The following PRKDC variants were observed in gnomAD, a reference collection of about 807,000 sequenced individuals.
The protein encoded by PRKDC is DNA-dependent protein kinase catalytic subunit.
In PRKDC, 82 loss-of-function variants were observed where a neutral mutation model predicts 486.9. The ratio of observed to expected loss-of-function variants is 0.17; its 90% CI spans 0.14 to 0.20. The LOEUF (loss-of-function observed/expected upper bound fraction) is 0.20. Ranked by LOEUF, PRKDC falls within the 10% of genes least tolerant of loss-of-function variation. The pLI is 1.00. For synonymous variants in PRKDC, 1,895 were observed against 1,837.0 expected, an observed-to-expected ratio of 1.03 and a Z score of -0.81; for missense variants, 4,504 against 5,038.2, an observed-to-expected ratio of 0.89 and a Z score of 3.21.
intron 49 of PRKDC, among the ~76,000 whole-genome samples, chr8:47,855,988 G>A (rs2088532117): frequency 6.6e-6 from 1 of 152,210 alleles, no homozygotes; most frequent in Non-Finnish European, 1.5e-5. Flanking sequence ...GCTACCTCGA[G>A]CCCGGCAGTT....
At chr8:47,879,834 C>CTTTTTTTTT (rs759336069) in intron 38 of PRKDC, among the ~76,000 whole-genome samples, 176 bp from the exon 39 acceptor site, 1 of 99,200 alleles carries the variant, frequency 1.0e-5, no homozygotes, top group African/African-American at 4.1e-5. Flanking sequence ...TATACCTCAG[C>CTTTTTTTTT]TTTTTTTTTT....
chr8:47,883,739 C>T (rs2089271553), intron 36 of PRKDC, among the ~76,000 whole-genome samples: 1 of 152,246 alleles, frequency 6.6e-6, no homozygotes, highest in Admixed American at 6.5e-5. Context: ...ATTCTTATTT[C>T]ACAGTTTTGT....
chr8:47,949,406 T>C (rs1039090247), intron 7 of PRKDC, among the ~76,000 whole-genome samples: 1 of 152,224 alleles, frequency 6.6e-6, no homozygotes, highest in Non-Finnish European at 1.5e-5. Context: ...AGAGACATTT[T>C]ACCTGCCATG....
intron 22 of PRKDC, 104 bp downstream of exon 22, chr8:47,918,173 T>C (rs1310419794): frequency 2.6e-6 from 2 of 772,914 alleles, no homozygotes; most frequent in Non-Finnish European, 4.0e-6. Context: ...CTACTTTGTA[T>C]ACAAAAACAA....
chr8:47,891,972 A>G (rs1589770549), intron 31 of PRKDC, among the ~76,000 whole-genome samples: 1 of 152,006 alleles, frequency 6.6e-6, no homozygotes, highest in African/African-American at 2.4e-5. Flanking sequence ...GGGTTCAAAC[A>G]ATTCTTGTGC....
At position 47,852,691 on chromosome 8, in the gene PRKDC, A is replaced by G; in HGVS notation, c.6987T>C (p.Tyr2329=). ...CACTCACGTTTTTTCTCTCCATAACATATCGAAGTATAAGTCCTAGAACTT... is the reference window on the plus strand; with the variant it reads ...CACTCACGTTTTTTCTCTCCATAACGTATCGAAGTATAAGTCCTAGAACTT... ...AAEVLGLILR[Y]VMERKNILEE... is the part of the protein sequence containing the mutation. The change falls in exon 52 of 86, where the codon TAT becomes TAC. Residue 2329 remains tyrosine (Y), a synonymous_variant. Coordinates refer to ENST00000314191, the MANE Select transcript of PRKDC (RefSeq NM_006904.7). 3 of 1,571,356 alleles carry G rather than the reference A, an allele frequency of 1.9e-6. No individual in the cohort carries two copies. The highest frequency in any genetic ancestry group is 2.6e-6 in the Non-Finnish European group (3 of 1,156,072).
intron 25 of PRKDC, among the ~76,000 whole-genome samples, chr8:47,907,714 TA>T (rs1368862902): frequency 1.3e-5 from 2 of 151,862 alleles, no homozygotes; most frequent in African/African-American, 4.8e-5. Context: ...TTTGTATTTT[TA>T]GTAGCAACAG....
intron 16 of PRKDC, 122 bp from the exon 17 acceptor site, chr8:47,930,909 G>T: frequency 1.1e-6 from 1 of 908,180 alleles, no homozygotes; most frequent in Non-Finnish European, 1.7e-6. Context: ...GCAACAGCGA[G>T]AAAGACCAAG....
chr8:47,859,551 T>A (rs2088624225), intron 46 of PRKDC, 60 bp downstream of exon 46: 2 of 1,567,686 alleles, frequency 1.3e-6, no homozygotes, highest in African/African-American at 2.7e-5. Context: ...AAGGCATAGC[T>A]GTGACCCCCT....
chr8:47,911,501 C>T (rs2089902111), intron 25 of PRKDC, among the ~76,000 whole-genome samples: 1 of 152,246 alleles, frequency 6.6e-6, no homozygotes, highest in Non-Finnish European at 1.5e-5. Flanking sequence ...CCAGTTTTCA[C>T]TATGAGCTCT....
At chr8:47,893,668 C>G (rs1185639912) in intron 30 of PRKDC, among the ~76,000 whole-genome samples, 2 of 152,106 alleles carry the variant, frequency 1.3e-5, no homozygotes, top group African/African-American at 4.8e-5. Flanking sequence ...CTTTAAGTCA[C>G]AAAACAGCAT....
intron 63 of PRKDC, among the ~76,000 whole-genome samples, chr8:47,826,040 T>C (rs2087731731): frequency 6.6e-6 from 1 of 152,194 alleles, no homozygotes; most frequent in Admixed American, 6.5e-5. Context: ...AAGGATCCCC[T>C]CCCTTACTTT....
At chr8:47,913,245 G>A (rs1262731605) in intron 24 of PRKDC, among the ~76,000 whole-genome samples, 2 of 152,118 alleles carry the variant, frequency 1.3e-5, no homozygotes, top group African/African-American at 4.8e-5. Flanking sequence ...GTATCACCAA[G>A]GTATGCTATG....
chr8:47,909,664 C>T (rs1307068226), intron 25 of PRKDC, among the ~76,000 whole-genome samples: 1 of 152,118 alleles, frequency 6.6e-6, no homozygotes, highest in Admixed American at 6.5e-5. Flanking sequence ...GGAGAAATAT[C>T]GCTGAATTCT....
intron 30 of PRKDC, 130 bp from the exon 31 acceptor site, chr8:47,893,517 T>C: frequency 1.1e-6 from 1 of 950,900 alleles, no homozygotes; most frequent in Non-Finnish European, 1.4e-6. Flanking sequence ...CTTGTTTCAC[T>C]GTAATTACTT....
At chr8:47,786,355 T>G (rs1232356235) in intron 76 of PRKDC, among the ~76,000 whole-genome samples, 1 of 152,092 alleles carries the variant, frequency 6.6e-6, no homozygotes, top group African/African-American at 2.4e-5. Context: ...GAGGTTGCAG[T>G]GAGCCGAGAT....
At chr8:47,841,831 T>C (rs918388299) in intron 54 of PRKDC, among the ~76,000 whole-genome samples, 14 of 152,136 alleles carry the variant, frequency 9.2e-5, no homozygotes, top group Middle Eastern at 3.2e-3. Flanking sequence ...AAGCATGGCA[T>C]AAAACTGGCT....
chr8:47,947,584 A>G (rs1409334497), intron 7 of PRKDC, among the ~76,000 whole-genome samples: 1 of 152,222 alleles, frequency 6.6e-6, no homozygotes, highest in East Asian at 1.9e-4. Context: ...CCTGACCGAC[A>G]TGGTGAAACC....
At chr8:47,882,558 CCCA>C (rs1319314669) in intron 36 of PRKDC, among the ~76,000 whole-genome samples, 3 of 151,818 alleles carry the variant, frequency 2.0e-5, no homozygotes, top group African/African-American at 4.8e-5. Context: ...TACTTCCGGT[CCCA>C]CCACCACCAT....
Sources: allele counts gnomAD v4.1 joint callset (sites outside exome capture counted in the v4.1 genomes callset), GRCh38; gene constraint gnomAD v4.1.1; transcripts MANE v1.5; gene names NCBI Gene and HGNC (gene_info 2026-07-23, HGNC 2026-07-21).